PHEX: variants seen among roughly 807,000 people sequenced by gnomAD.
The protein encoded by PHEX is phosphate regulating endopeptidase X-linked.
A neutral mutation model predicts 68.0 loss-of-function variants in PHEX; 16 were observed. That is an observed-to-expected ratio of 0.24 (90% confidence interval 0.16 to 0.36). The LOEUF (loss-of-function observed/expected upper bound fraction) is 0.36. Among genes scored for constraint, PHEX ranks in the 10% least tolerant of loss-of-function variants. The pLI is 1.00. For missense variants in PHEX, 480 were observed against 575.5 expected, an observed-to-expected ratio of 0.83 and a Z score of 1.70; for synonymous variants, 208 against 205.1, an observed-to-expected ratio of 1.01 and a Z score of -0.12.
chrX:22,137,115 A>G (rs984613061), intron 12 of PHEX, among the ~76,000 whole-genome samples: 1 of 111,762 alleles, frequency 8.9e-6, no homozygotes, highest in East Asian at 2.8e-4. Context: ...TGCCCTTGCC[A>G]GAGTAGAAGA....
chrX:22,233,428 C>G (rs1023639368), intron 20 of PHEX, among the ~76,000 whole-genome samples: 1 of 111,383 alleles, frequency 9.0e-6, no homozygotes, highest in African/African-American at 3.3e-5. Context: ...CCATTCTCCC[C>G]GTCACTTTCA....
At chrX:22,238,172 C>G (rs143851227) in intron 20 of PHEX, among the ~76,000 whole-genome samples, 1 of 112,477 alleles carries the variant, frequency 8.9e-6, no homozygotes, top group Non-Finnish European at 1.9e-5. Context: ...CAGCTCTGGT[C>G]TGCAGCTCCC....
chrX:22,170,534 G>GT (rs1400910588), intron 13 of PHEX, among the ~76,000 whole-genome samples: 1 of 111,727 alleles, frequency 9.0e-6, no homozygotes, highest in African/African-American at 3.3e-5. Flanking sequence ...TATTTGAAGT[G>GT]TTTAGAATGA....
intron 2 of PHEX, among the ~76,000 whole-genome samples, chrX:22,043,324 A>G (rs1359109569): frequency 8.9e-6 from 1 of 112,301 alleles, no homozygotes; most frequent in Non-Finnish European, 1.9e-5. Context: ...GTACCTACTT[A>G]TTCTAAAAGG....
chrX:22,081,059 C>G (rs1358793541), intron 5 of PHEX, among the ~76,000 whole-genome samples: 1 of 111,360 alleles, frequency 9.0e-6, no homozygotes, highest in Non-Finnish European at 1.9e-5. Flanking sequence ...CCTCTCAGAG[C>G]TCAAACTCAG....
intron 15 of PHEX, among the ~76,000 whole-genome samples, chrX:22,211,991 G>A (rs1323850739): frequency 3.6e-5 from 4 of 111,425 alleles, no homozygotes; most frequent in Non-Finnish European, 7.5e-5. Context: ...TGACACATGG[G>A]GACTATTACA....
At chrX:22,190,565 C>T in intron 15 of PHEX, 63 bp downstream of exon 15, 1 of 729,696 alleles carries the variant, frequency 1.4e-6, no homozygotes, top group Non-Finnish European at 2.2e-6. Flanking sequence ...TTTTCCATGA[C>T]TATGATGGAG....
rs986006855 is a variant in PHEX at position 22,046,961 on chromosome X, G to T, written c.188-89G>T. 15 of 784,158 alleles carry T rather than the reference G, an allele frequency of 1.9e-5. No individual in the cohort carries two copies. The African/African-American group carries it at 2.9e-4, about 15-fold the overall frequency. 64.6% of individuals were successfully genotyped at this position (784,158 alleles called of 1,213,427 possible). A position where few individuals can be genotyped will look rare whatever the true frequency, so the allele number is the denominator to read the frequency against. ...TATAAATGCCAAGGCTTGGAAACTG[G>T]TTGATATGGAATTGTTGTTTAATTT... On this transcript the variant is annotated intron_variant, in intron 2 of 21. Coordinates refer to ENST00000379374, the MANE Select transcript of PHEX (RefSeq NM_000444.6).
intron 3 of PHEX, among the ~76,000 whole-genome samples, chrX:22,066,455 G>A (rs986135586): frequency 8.9e-6 from 1 of 112,204 alleles, no homozygotes; most frequent in South Asian, 3.7e-4. Context: ...TTTGAACTTA[G>A]GAAGGTATTT....
chrX:22,178,698 G>A (rs939137077), intron 14 of PHEX, among the ~76,000 whole-genome samples: 5 of 112,119 alleles, frequency 4.5e-5, no homozygotes, highest in Admixed American at 2.8e-4. Flanking sequence ...TTACATTCAT[G>A]TAATAACTTT....
intron 16 of PHEX, among the ~76,000 whole-genome samples, chrX:22,217,447 T>A (rs1448351739): frequency 8.9e-6 from 1 of 112,273 alleles, no homozygotes; most frequent in Non-Finnish European, 1.9e-5. Flanking sequence ...TGGGTGTAGT[T>A]GAGACAAACA....
Position 22,221,760 on chromosome X carries a change from C to G in PHEX, c.1899+17C>G. 8.4e-7 allele frequency: 1 copy of G among 1,192,822 alleles called. No homozygotes were observed. The highest frequency in any genetic ancestry group is 1.1e-6 in the Non-Finnish European group (1 of 878,702). On this transcript the variant is annotated intron_variant, in intron 18 of 21. Coordinates refer to ENST00000379374, the MANE Select transcript of PHEX (RefSeq NM_000444.6). ...GGCTTAAATGTGAGTACAACTGTGG[C>G]TAAGGGGGGCACCTTGTGGTTCATT...
In PHEX at chrX:22,245,079, T is replaced by A. The variant is rs908735294; in HGVS notation, c.2071-254T>A. The stretch of plus-strand genomic sequence containing the variant: ...ATTCCTGGGCACATATACGATTCTC[T>A]TGATTTAAAGCACTTGTCTGGAAAC... On this transcript the variant is annotated intron_variant, in intron 20 of 21. Transcript: ENST00000379374. Among the ~76,000 whole-genome samples the A allele has an allele frequency of 3.6e-5, 4 of 112,234 alleles. No homozygotes were observed. The South Asian group carries it at 1.5e-3, about 42-fold the overall frequency.
At position 22,248,072 on chromosome X, in the gene PHEX, A is replaced by T. The variant is rs1261646569; in HGVS notation, c.*119A>T. The stretch of plus-strand genomic sequence containing the variant: ...CTTTCATTTTTAGTGCATTTTCATT[A>T]TTTGGGTAGGTGACCTGCTTGGATC... On this transcript the variant is annotated 3_prime_UTR_variant, in exon 22 of 22. Transcript: ENST00000379374. 7.3e-6 allele frequency: 4 copies of T among 548,830 alleles called. No individual in the cohort carries two copies. In the African/African-American group the frequency reaches 9.1e-5, roughly 13 times the overall value. 45.2% of individuals were successfully genotyped at this position (548,830 alleles called of 1,213,427 possible).
chrX:22,083,068 G>A (rs1216482930), intron 5 of PHEX, among the ~76,000 whole-genome samples: 1 of 111,968 alleles, frequency 8.9e-6, no homozygotes, highest in East Asian at 2.8e-4. Flanking sequence ...TCTGATCTTT[G>A]ATAAAGTCTA....
intron 20 of PHEX, among the ~76,000 whole-genome samples, chrX:22,229,651 A>C (rs1252668377): frequency 1.8e-5 from 2 of 111,929 alleles, no homozygotes; most frequent in Non-Finnish European, 3.8e-5. Flanking sequence ...CCCTTTGTCA[A>C]ATGGATAGAT....
At chrX:22,043,927 T>C (rs1191449909) in intron 2 of PHEX, among the ~76,000 whole-genome samples, 1 of 111,507 alleles carries the variant, frequency 9.0e-6, no homozygotes, top group Non-Finnish European at 1.9e-5. Flanking sequence ...TTGACAACTA[T>C]GGTCCCTTGC....
intron 13 of PHEX, among the ~76,000 whole-genome samples, chrX:22,177,655 C>T (rs1361349591): frequency 8.9e-6 from 1 of 112,180 alleles, no homozygotes; most frequent in Non-Finnish European, 1.9e-5. Flanking sequence ...TGATTTGCCT[C>T]TGTAATTTCA....
At chrX:22,199,423 G>T (rs1934479190) in intron 15 of PHEX, among the ~76,000 whole-genome samples, 1 of 111,944 alleles carries the variant, frequency 8.9e-6, no homozygotes, top group Admixed American at 9.5e-5. Context: ...AGTTACCTAT[G>T]GGCAACCAAG....
Sources: allele counts gnomAD v4.1 joint callset (sites outside exome capture counted in the v4.1 genomes callset), GRCh38; gene constraint gnomAD v4.1.1; transcripts MANE v1.5; gene names NCBI Gene and HGNC (gene_info 2026-07-23, HGNC 2026-07-21).